ACTR5: variants seen among roughly 807,000 people sequenced by gnomAD.
ACTR5 encodes actin related protein 5.
In ACTR5, 43 loss-of-function variants were observed where a neutral mutation model predicts 61.2. The ratio of observed to expected loss-of-function variants is 0.70; its 90% CI spans 0.55 to 0.91. ACTR5 has a LOEUF of 0.91. Ranked by LOEUF, ACTR5 falls within the 40% of genes least tolerant of loss-of-function variation. ACTR5 has a pLI of 0.00. For missense variants in ACTR5, 798 were observed against 782.2 expected, an observed-to-expected ratio of 1.02 and a Z score of -0.24; for synonymous variants, 333 against 310.5, an observed-to-expected ratio of 1.07 and a Z score of -0.76.
At chr20:38,761,120 C>G (rs775946455) in intron 5 of ACTR5, among the ~76,000 whole-genome samples, 2 of 152,120 alleles carry the variant, frequency 1.3e-5, no homozygotes, top group African/African-American at 2.4e-5. Context: ...ATGGGTCTCA[C>G]TGTGTTGCCC....
chr20:38,751,986 A>T, intron 2 of ACTR5, 145 bp from the exon 3 acceptor site: 1 of 910,012 alleles, frequency 1.1e-6, no homozygotes, highest in Non-Finnish European at 1.6e-6. Flanking sequence ...GGGAACTTCA[A>T]CGTCCCTTCT....
At chr20:38,762,998 G>A (rs571596693) in intron 5 of ACTR5, among the ~76,000 whole-genome samples, 3 of 152,188 alleles carry the variant, frequency 2.0e-5, no homozygotes, top group Non-Finnish European at 2.9e-5. Context: ...AGCGTTGTTC[G>A]TTTCTCACCC....
In ACTR5 at chr20:38,750,025, C is replaced by G; in HGVS notation, c.391C>G (p.Pro131Ala). 1 of 1,614,024 alleles carries G rather than the reference C, an allele frequency of 6.2e-7. No homozygotes were observed. The highest frequency in any genetic ancestry group is 8.5e-7 in the Non-Finnish European group (1 of 1,179,860). ...TTCAAAGTAGGGCTGTGTTGATCAT[C>G]CCATAGTTTTGACAGAAGCTGTGTG... ...GVSSQGCVDHPIVLTEAVCNP... is the reference protein window; with the variant it reads ...GVSSQGCVDHAIVLTEAVCNP... The change falls in exon 2 of 9, where the codon CCC becomes GCC. Residue 131 changes from proline to alanine, a missense_variant. Physicochemically the swap from Pro to Ala is conservative, Grantham distance 27 (BLOSUM62 -1). Transcript: ENST00000243903.
intron 5 of ACTR5, among the ~76,000 whole-genome samples, chr20:38,763,406 C>T (rs930089824): frequency 6.6e-6 from 1 of 152,196 alleles, no homozygotes; most frequent in Non-Finnish European, 1.5e-5. Flanking sequence ...CCTTTACTCC[C>T]TCTCTGCTGT....
chr20:38,748,584 GACA>G lies in ACTR5; in HGVS notation c.109_111del (p.Asn37del). On this transcript the variant is annotated inframe_deletion, in exon 1 of 9. Coordinates refer to ENST00000243903, the MANE Select transcript of ACTR5 (RefSeq NM_024855.4). Reference sequence around the variant, plus strand: ...GCCACTGCCGGTACCGCTGGTGCTGGACAACGGGTCGTTCCAAGTCCGCGCTGG... The same window carrying G: ...GCCACTGCCGGTACCGCTGGTGCTGGACGGGTCGTTCCAAGTCCGCGCTGG... 1 of 1,523,494 alleles carries G rather than the reference GACA, an allele frequency of 6.6e-7. No individual in the cohort carries two copies. The allele number at this position is 1,523,494 out of a possible 1,614,324, so 94.4% of individuals were successfully genotyped here.
intron 5 of ACTR5, among the ~76,000 whole-genome samples, chr20:38,757,606 A>T (rs146415137): frequency 1.3e-5 from 2 of 152,108 alleles, no homozygotes; most frequent in Non-Finnish European, 2.9e-5. Context: ...CATAGTGCTT[A>T]TCAGTGATGT....
chr20:38,760,086 C>G (rs1490349105), intron 5 of ACTR5, among the ~76,000 whole-genome samples: 2 of 149,806 alleles, frequency 1.3e-5, no homozygotes, highest in Non-Finnish European at 3.0e-5. Flanking sequence ...CTTGGGAGTT[C>G]GAGGCTGCAG....
chr20:38,753,942 A>T (rs1406855), intron 3 of ACTR5, among the ~76,000 whole-genome samples: 3 of 122,296 alleles, frequency 2.5e-5, no homozygotes, highest in African/African-American at 6.5e-5. Flanking sequence ...TGTAGTTTTT[A>T]GTGGTTGCTT....
intron 5 of ACTR5, among the ~76,000 whole-genome samples, chr20:38,758,240 C>T (rs1427477001): frequency 1.3e-5 from 2 of 152,214 alleles, no homozygotes; most frequent in Non-Finnish European, 2.9e-5. Flanking sequence ...TCAGCAGATA[C>T]TCAGTAGGTA....
Position 38,770,546 on chromosome 20 carries a change from A to T in ACTR5, c.1567-1013A>T, listed in dbSNP as rs144487329. Reference sequence around the variant, plus strand: ...ACAATTTTTTTATATCAATAGGTACATTTCCAGAGCATCCTTTTTATGGCT... The same window carrying T: ...ACAATTTTTTTATATCAATAGGTACTTTTCCAGAGCATCCTTTTTATGGCT... On this transcript the variant is annotated intron_variant, in intron 8 of 8. Transcript: ENST00000243903. Among the ~76,000 whole-genome samples the T allele has an allele frequency of 4.5e-3, 683 of 152,268 alleles. 5 individuals are homozygous for T. Among genetic ancestry groups the T allele is most frequent in the African/African-American group, 0.016 (648 of 41,552 alleles).
intron 5 of ACTR5, among the ~76,000 whole-genome samples, chr20:38,762,604 G>A (rs1023680927): frequency 3.3e-5 from 5 of 152,142 alleles, no homozygotes; most frequent in Admixed American, 3.3e-4. Flanking sequence ...AGTACTGGGA[G>A]GCATCCTTTA....
intron 5 of ACTR5, among the ~76,000 whole-genome samples, chr20:38,756,383 G>A (rs963497927): frequency 1.3e-5 from 2 of 152,154 alleles, no homozygotes; most frequent in African/African-American, 4.8e-5. Context: ...AATATATTGT[G>A]GTTGATTGTT....
Position 38,748,712 on chromosome 20 carries a change from G to A in ACTR5, c.234G>A (p.Pro78=). ...GRGGARGASG[P]QVGNALGSLE... ...GCGGGGCACGGGGCGCGTCGGGCCCGCAGGTGGGGAACGCTCTGGGCAGCC... is the reference window on the plus strand; with the variant it reads ...GCGGGGCACGGGGCGCGTCGGGCCCACAGGTGGGGAACGCTCTGGGCAGCC... Residue 78 remains proline, a synonymous_variant, in exon 1 of 9, where the codon CCG becomes CCA. Coordinates refer to ENST00000243903, the MANE Select transcript of ACTR5 (RefSeq NM_024855.4). The A allele has an allele frequency of 2.0e-6, 3 of 1,538,318 alleles. No homozygotes were observed. Among genetic ancestry groups the A allele is most frequent in the East Asian group, 2.6e-5 (1 of 39,198 alleles).
At chr20:38,758,939 A>T (rs6128906) in intron 5 of ACTR5, among the ~76,000 whole-genome samples, 25,924 of 152,200 alleles carry the variant, frequency 0.17, 2,158 homozygotes, top group Admixed American at 0.19. Context: ...TAACTAATAG[A>T]GGTCTCGAAA....
At position 38,750,086 on chromosome 20, in the gene ACTR5, T is replaced by C. The variant is rs768275196; in HGVS notation, c.452T>C (p.Leu151Pro). Residue 151 changes from leucine to proline, a missense_variant, in exon 2 of 9, where the codon CTT becomes CCT. Transcript: ENST00000243903. ...TATTCACGGCAAATGATGTCTGAGC[T>C]TCTTTTTGAGTGCTACGGGATTCCC... The part of the protein sequence containing the change: ...PLYSRQMMSE[L>P]LFECYGIPKV... 30 of 1,614,128 alleles carry C rather than the reference T, an allele frequency of 1.9e-5. No individual in the cohort carries two copies. The highest frequency in any genetic ancestry group is 2.5e-5 in the Non-Finnish European group (29 of 1,180,052).
chr20:38,766,066 T>G (rs1036352988), intron 6 of ACTR5, among the ~76,000 whole-genome samples, 172 bp from the exon 7 acceptor site: 4 of 152,106 alleles, frequency 2.6e-5, no homozygotes. Context: ...AATACACAGG[T>G]TGGAAGAAGG....
chr20:38,765,431 T>C lies in ACTR5; in HGVS notation c.1206T>C (p.Ser402=). 6.2e-7 allele frequency: 1 copy of C among 1,614,152 alleles called. No homozygotes were observed. Among genetic ancestry groups the C allele is most frequent in the East Asian group, 2.2e-5 (1 of 44,878 alleles). The change falls in exon 6 of 9, where the codon TCT becomes TCC. Residue 402 remains serine (S), a synonymous_variant. Transcript: ENST00000243903. ...ETPDLEQLEP[S]LEDVESMNDF... ...CTGACCTGGAGCAGCTGGAGCCGTC[T>C]TTGGAAGATGTGGAAAGCATGAATG...
At chr20:38,760,147 C>G (rs1343579437) in intron 5 of ACTR5, among the ~76,000 whole-genome samples, 1 of 149,688 alleles carries the variant, frequency 6.7e-6, no homozygotes. Context: ...GAACAAGACC[C>G]TGTCTAAAAA....
chr20:38,749,129 A>G (rs1328008583), intron 1 of ACTR5, among the ~76,000 whole-genome samples: 3 of 152,240 alleles, frequency 2.0e-5, no homozygotes, highest in Non-Finnish European at 4.4e-5. Flanking sequence ...CTTTTTAGGC[A>G]TTTGGAGTAC....
Sources: gnomAD v4.1 joint callset for allele counts (sites outside exome capture counted in the v4.1 genomes callset) on GRCh38, gnomAD v4.1.1 for gene constraint, MANE v1.5 for transcripts, NCBI Gene and HGNC (gene_info 2026-07-23, HGNC 2026-07-21) for gene names.